CNTNAP2: variants seen among roughly 807,000 people sequenced by gnomAD.
CNTNAP2 encodes the protein contactin-associated protein-like 2.
In CNTNAP2, 98 loss-of-function variants were observed where a neutral mutation model predicts 155.2. That is an observed-to-expected ratio of 0.63 (90% CI 0.54 to 0.75). CNTNAP2 has a LOEUF of 0.75. Ranked by LOEUF, CNTNAP2 falls within the 30% of genes least tolerant of loss-of-function variation. CNTNAP2 has a pLI of 0.00. For synonymous variants in CNTNAP2, 651 were observed against 631.2 expected, an observed-to-expected ratio of 1.03 and a Z score of -0.47; for missense variants, 1,727 against 1,688.1, an observed-to-expected ratio of 1.02 and a Z score of -0.40.
intron 15 of CNTNAP2, among the ~76,000 whole-genome samples, chr7:148,055,027 T>C (rs1260385558): frequency 2.6e-5 from 4 of 151,898 alleles, no homozygotes; most frequent in Non-Finnish European, 5.9e-5. Flanking sequence ...GGATTACAAG[T>C]GGACACCACC....
chr7:146,960,443 G>T (rs1797533583), intron 3 of CNTNAP2, among the ~76,000 whole-genome samples: 1 of 152,104 alleles, frequency 6.6e-6, no homozygotes. Flanking sequence ...CAGTGCCTGT[G>T]CTGATTAAAC....
chr7:147,475,958 C>T (rs1402231583), intron 10 of CNTNAP2, among the ~76,000 whole-genome samples: 2 of 152,056 alleles, frequency 1.3e-5, no homozygotes, highest in African/African-American at 4.8e-5. Flanking sequence ...TTCTATTGAT[C>T]TATCTATATT....
chr7:146,248,640 G>A (rs571561346), intron 1 of CNTNAP2, among the ~76,000 whole-genome samples: 1 of 152,314 alleles, frequency 6.6e-6, no homozygotes, highest in Admixed American at 6.5e-5. Context: ...AGGGAGGTTG[G>A]AGAAGAGAGT....
chr7:147,174,850 C>T (rs1035125198), intron 8 of CNTNAP2, among the ~76,000 whole-genome samples: 8 of 152,140 alleles, frequency 5.3e-5, no homozygotes, highest in South Asian at 4.1e-4. Context: ...ACTCCTTTGT[C>T]GCACTGGGAA....
chr7:146,228,894 G>A (rs1277318362), intron 1 of CNTNAP2, among the ~76,000 whole-genome samples: 1 of 152,022 alleles, frequency 6.6e-6, no homozygotes, highest in Non-Finnish European at 1.5e-5. Flanking sequence ...TTTATTATAG[G>A]TTGTAAAAAT....
At chr7:147,039,024 C>T (rs1310990734) in intron 3 of CNTNAP2, among the ~76,000 whole-genome samples, 1 of 152,114 alleles carries the variant, frequency 6.6e-6, no homozygotes, top group Non-Finnish European at 1.5e-5. Context: ...CCTTGCTACC[C>T]CCACAAACAG....
chr7:146,413,132 TGA>T (rs1196174205), intron 1 of CNTNAP2, among the ~76,000 whole-genome samples: 1 of 152,286 alleles, frequency 6.6e-6, no homozygotes, highest in South Asian at 2.1e-4. Flanking sequence ...GGTAAAGACA[TGA>T]GACTTCTCTA....
chr7:147,967,835 C>A (rs144845996), intron 14 of CNTNAP2, among the ~76,000 whole-genome samples: 218 of 152,042 alleles, frequency 1.4e-3, no homozygotes, highest in African/African-American at 5.1e-3. Context: ...CCTTTCACCA[C>A]GTTAATGAGA....
chr7:146,451,481 G>A (rs1796479887), intron 1 of CNTNAP2, among the ~76,000 whole-genome samples: 1 of 152,124 alleles, frequency 6.6e-6, no homozygotes, highest in Non-Finnish European at 1.5e-5. Context: ...AACAAGGCCA[G>A]CTCCATGGGG....
chr7:147,713,444 G>A (rs1380540218), intron 13 of CNTNAP2, among the ~76,000 whole-genome samples: 3 of 152,032 alleles, frequency 2.0e-5, no homozygotes, highest in African/African-American at 7.2e-5. Flanking sequence ...TTAGCATAAT[G>A]CATTTGTGAT....
At chr7:147,378,898 C>T (rs934724967) in intron 9 of CNTNAP2, among the ~76,000 whole-genome samples, 2 of 151,950 alleles carry the variant, frequency 1.3e-5, no homozygotes, top group Admixed American at 1.3e-4. Context: ...CCACCCAAAT[C>T]TCATCTTGAA....
chr7:147,115,625 G>A (rs1473298257), intron 5 of CNTNAP2, among the ~76,000 whole-genome samples: 1 of 152,050 alleles, frequency 6.6e-6, no homozygotes, highest in Non-Finnish European at 1.5e-5. Context: ...TAATACTTGT[G>A]ATTGCATTGT....
At chr7:146,868,655 G>A (rs1795249933) in intron 3 of CNTNAP2, among the ~76,000 whole-genome samples, 1 of 152,002 alleles carries the variant, frequency 6.6e-6, no homozygotes, top group Non-Finnish European at 1.5e-5. Flanking sequence ...GAGCATGGGA[G>A]GTTTTTTAAT....
At chr7:146,557,822 C>T (rs776302922) in intron 1 of CNTNAP2, among the ~76,000 whole-genome samples, 9 of 152,158 alleles carry the variant, frequency 5.9e-5, no homozygotes, top group Admixed American at 4.6e-4. Context: ...ACAATTGATA[C>T]ATTTATTTTT....
At chr7:147,389,440 A>G (rs1214987836) in intron 9 of CNTNAP2, among the ~76,000 whole-genome samples, 1 of 152,216 alleles carries the variant, frequency 6.6e-6, no homozygotes, top group Admixed American at 6.5e-5. Context: ...GATGAACATT[A>G]TAACTTACAA....
At chr7:146,761,295 AAGGAAGGAAGGAAGGAAGG>A (rs1447884108) in intron 1 of CNTNAP2, among the ~76,000 whole-genome samples, 2 of 104,956 alleles carry the variant, frequency 1.9e-5, no homozygotes, top group African/African-American at 1.1e-4. Flanking sequence ...GGAAGGAAGG[AAGGAAGGAAGGAAGGAAGG>A]AAGGAAGGAA....
chr7:147,961,945 G>T (rs567704495), intron 14 of CNTNAP2, among the ~76,000 whole-genome samples: 3 of 152,158 alleles, frequency 2.0e-5, no homozygotes, highest in African/African-American at 7.2e-5. Flanking sequence ...AGGAAAGAAA[G>T]AGAATAGGAA....
intron 8 of CNTNAP2, among the ~76,000 whole-genome samples, chr7:147,296,990 A>T (rs1378632005): frequency 6.6e-6 from 1 of 152,204 alleles, no homozygotes; most frequent in African/African-American, 2.4e-5. Flanking sequence ...TACTTCATTT[A>T]ATAACTTGAT....
At chr7:148,147,345 T>G in intron 16 of CNTNAP2, 146 bp from the exon 17 acceptor site, 1 of 788,336 alleles carries the variant, frequency 1.3e-6, no homozygotes, top group Non-Finnish European at 2.2e-6. Context: ...TTATCCTTCT[T>G]CCATTGATTT....
Sources: allele counts gnomAD v4.1 joint callset (sites outside exome capture counted in the v4.1 genomes callset), GRCh38; gene constraint gnomAD v4.1.1; transcripts MANE v1.5; gene names NCBI Gene and HGNC (gene_info 2026-07-23, HGNC 2026-07-21).